Variants in KCNMA1 observed in about 807,000 individuals in gnomAD.
The protein encoded by KCNMA1 is Calcium-activated potassium channel subunit alpha-1.
Under a neutral mutation model 140.0 loss-of-function variants are expected in KCNMA1, and 29 were observed. That is an observed-to-expected ratio of 0.21 (90% CI 0.15 to 0.28). The LOEUF is 0.28. KCNMA1 is among the 10% of genes least tolerant of loss of function. The pLI, the probability that KCNMA1 is intolerant of heterozygous loss-of-function variation, is 1.00. For synonymous variants in KCNMA1, 612 were observed against 611.9 expected, an observed-to-expected ratio of 1.00 and a Z score of 0.00; for missense variants, 880 against 1,602.2, an observed-to-expected ratio of 0.55 and a Z score of 7.70.
At chr10:76,895,517 C>T (rs1314213738) in intron 25 of KCNMA1, among the ~76,000 whole-genome samples, 2 of 151,848 alleles carry the variant, frequency 1.3e-5, no homozygotes, top group Non-Finnish European at 2.9e-5. Context: ...TTGGTAATAC[C>T]CAAAAGGTGA....
At chr10:77,205,920 T>C (rs975511102) in intron 3 of KCNMA1, among the ~76,000 whole-genome samples, 1 of 152,222 alleles carries the variant, frequency 6.6e-6, no homozygotes, top group Non-Finnish European at 1.5e-5. Context: ...TTTGTAACTA[T>C]ATGAGCTAAT....
At chr10:77,382,029 TACA>T (rs2095407135) in intron 2 of KCNMA1, among the ~76,000 whole-genome samples, 2 of 152,190 alleles carry the variant, frequency 1.3e-5, no homozygotes, top group Admixed American at 1.3e-4. Context: ...TCCACTGAGC[TACA>T]ACAAGGCTCA....
chr10:77,012,838 A>G (rs2091162155), intron 17 of KCNMA1, among the ~76,000 whole-genome samples: 1 of 152,220 alleles, frequency 6.6e-6, no homozygotes, highest in East Asian at 1.9e-4. Flanking sequence ...TTGAATGTCC[A>G]TAGGTGATTC....
At chr10:77,456,593 T>C (rs954341215) in intron 1 of KCNMA1, among the ~76,000 whole-genome samples, 2 of 152,154 alleles carry the variant, frequency 1.3e-5, no homozygotes, top group Non-Finnish European at 2.9e-5. Context: ...AAGGCAAATG[T>C]TTGCTGAAGG....
intron 19 of KCNMA1, among the ~76,000 whole-genome samples, chr10:76,986,677 G>A (rs1041012099): frequency 6.6e-6 from 1 of 152,232 alleles, no homozygotes; most frequent in African/African-American, 2.4e-5. Context: ...ATTGGCTAGG[G>A]TCTGAACAAT....
intron 14 of KCNMA1, chr10:77,063,898 G>A: frequency 6.1e-6 from 6 of 985,406 alleles, no homozygotes; most frequent in Non-Finnish European, 6.0e-6. Flanking sequence ...TGCTTGGCCA[G>A]AGGCTTGTTC....
intron 19 of KCNMA1, chr10:76,977,448 A>G: frequency 1.5e-6 from 1 of 660,596 alleles, no homozygotes; most frequent in Admixed American, 2.2e-5. Flanking sequence ...TTGGTTTACC[A>G]GCCATCCCTG....
chr10:77,159,692 T>C (rs1429544437), intron 5 of KCNMA1, among the ~76,000 whole-genome samples: 1 of 152,150 alleles, frequency 6.6e-6, no homozygotes, highest in East Asian at 1.9e-4. Flanking sequence ...AACAAATTTC[T>C]ACTTCAGACT....
In KCNMA1 at chr10:77,337,970, T is replaced by C. The variant is rs113086719; in HGVS notation, c.540+65892A>G. On this transcript the variant is annotated intron_variant, in intron 2 of 27. Coordinates refer to ENST00000286628, the MANE Select transcript of KCNMA1 (RefSeq NM_001161352.2). ...GAAGCAGGGGTTTCAGTACAACCTA[T>C]ACAGAACATGAAGGACAAGCAAGAA... 4.4e-3 allele frequency among the ~76,000 whole-genome samples: 664 copies of C among 152,274 alleles called. 6 individuals carry two copies. The highest frequency in any genetic ancestry group is 0.015 in the African/African-American group (625 of 41,556).
intron 23 of KCNMA1, among the ~76,000 whole-genome samples, chr10:76,920,020 G>GTATATATATATATA (rs1169838049): frequency 0.013 from 463 of 34,346 alleles, 36 homozygotes; most frequent in Admixed American, 0.032. Flanking sequence ...GTGTGTGTGT[G>GTATATATATATATA]TATATATATA....
intron 25 of KCNMA1, among the ~76,000 whole-genome samples, chr10:76,900,469 C>T (rs1267529845): frequency 1.3e-5 from 2 of 151,558 alleles, no homozygotes; most frequent in Non-Finnish European, 2.9e-5. Context: ...GGTTTTTTTC[C>T]TATAATTTTA....
chr10:77,082,001 TC>T (rs144259489), intron 12 of KCNMA1, among the ~76,000 whole-genome samples: 69 of 47,902 alleles, frequency 1.4e-3, no homozygotes, highest in African/African-American at 2.9e-3. Context: ...TTTCTTTTTT[TC>T]TTTTCTTTTT....
At chr10:77,390,487 C>T (rs2095780557) in intron 2 of KCNMA1, among the ~76,000 whole-genome samples, 1 of 152,184 alleles carries the variant, frequency 6.6e-6, no homozygotes, top group African/African-American at 2.4e-5. Context: ...TCAGAGGAAA[C>T]AATAACCTCC....
At chr10:77,243,780 G>C (rs1022928274) in intron 3 of KCNMA1, among the ~76,000 whole-genome samples, 1 of 152,154 alleles carries the variant, frequency 6.6e-6, no homozygotes, top group Admixed American at 6.5e-5. Context: ...TTCCACAGTG[G>C]AGCTGAACTC....
intron 17 of KCNMA1, among the ~76,000 whole-genome samples, chr10:77,014,527 C>T (rs1049814520): frequency 6.6e-6 from 1 of 151,814 alleles, no homozygotes; most frequent in Non-Finnish European, 1.5e-5. Flanking sequence ...ATTTCTTGAA[C>T]TTATTCCACC....
chr10:76,997,989 C>A (rs1181453854), intron 19 of KCNMA1, among the ~76,000 whole-genome samples: 1 of 152,106 alleles, frequency 6.6e-6, no homozygotes, highest in Non-Finnish European at 1.5e-5. Context: ...TTTCTGACAC[C>A]TTTTATTTTG....
intron 1 of KCNMA1, among the ~76,000 whole-genome samples, chr10:77,420,024 AG>A (rs926877910): frequency 4.6e-4 from 70 of 152,326 alleles, no homozygotes; most frequent in African/African-American, 1.6e-3. Context: ...AGTCATAGAG[AG>A]GGGAATGTGA....
chr10:77,406,554 CAGGCACTTCT>C (rs1224021916), intron 1 of KCNMA1, among the ~76,000 whole-genome samples: 1 of 152,152 alleles, frequency 6.6e-6, no homozygotes, highest in East Asian at 1.9e-4. Context: ...ACCAAGATGT[CAGGCACTTCT>C]GATGCTGCTG....
downstream of KCNMA1, chr10:76,874,384 T>C (rs1408946541): frequency 6.6e-6 from 1 of 152,200 alleles, no homozygotes; most frequent in Non-Finnish European, 1.5e-5. Flanking sequence ...TTCCCACTCC[T>C]AACTTAGATC....
Sources: gnomAD v4.1 joint callset for allele counts (sites outside exome capture counted in the v4.1 genomes callset) on GRCh38, gnomAD v4.1.1 for gene constraint, MANE v1.5 for transcripts, NCBI Gene and HGNC (gene_info 2026-07-23, HGNC 2026-07-21) for gene names.